BARHL1: variants seen among roughly 807,000 people sequenced by gnomAD.
BARHL1 encodes barH-like 1 homeobox protein.
A neutral mutation model predicts 20.1 loss-of-function variants in BARHL1; 2 were observed. The observed-to-expected ratio is 0.10, with a 90% CI of 0.04 to 0.31. BARHL1 has a LOEUF of 0.31. Among genes scored for constraint, BARHL1 ranks in the 10% least tolerant of loss-of-function variants. The pLI is 1.00. For synonymous variants in BARHL1, 213 were observed against 209.9 expected, an observed-to-expected ratio of 1.01 and a Z score of -0.13; for missense variants, 397 against 454.0, an observed-to-expected ratio of 0.87 and a Z score of 1.14.
Position 132,587,474 on chromosome 9 carries a change from C to A in BARHL1, c.612C>A (p.Ser204Arg). The A allele has an allele frequency of 6.2e-7, 1 of 1,612,458 alleles. No homozygotes were observed. The highest frequency in any genetic ancestry group is 2.2e-5 in the East Asian group (1 of 44,844). The change falls in exon 2 of 3, where the codon AGC (serine) becomes AGA (arginine). Residue 204 changes from serine to arginine, a missense_variant. This residue lies in a region of BARHL1 where 272 missense variants were observed against 298.7 expected (regional missense o/e 0.91). Coordinates refer to ENST00000263610, the MANE Select transcript of BARHL1 (RefSeq NM_020064.4). This position sits in a 1 kb window ranked among gnomAD's most constrained non-coding sequence, Gnocchi z 5.5. Reference protein sequence around the residue: ...ERSFERQKYLSVQDRMELAAS... With the variant: ...ERSFERQKYLRVQDRMELAAS... ...GCTTCGAGCGGCAGAAGTACCTGAG[C>A]GTGCAGGACCGCATGGAGCTCGCCG...
Position 132,587,317 on chromosome 9 carries a change from C to A in BARHL1, c.467-12C>A, listed in dbSNP as rs755454251. 6.3e-7 allele frequency: 1 copy of A among 1,589,862 alleles called. No homozygotes were observed. Among genetic ancestry groups the A allele is most frequent in the Non-Finnish European group, 8.5e-7 (1 of 1,170,628 alleles). On this transcript the variant is annotated splice_polypyrimidine_tract_variant and intron_variant, in intron 1 of 2. Transcript: ENST00000263610. The surrounding 1 kb of genome is among the most constrained non-coding windows in gnomAD (Gnocchi z 5.5). Reference sequence around the variant, plus strand: ...TGCGAGGCCGGGCCCTGACATGCCGCTGTGTCCGCAGTGAAGGAGGAGGGC... The same window carrying A: ...TGCGAGGCCGGGCCCTGACATGCCGATGTGTCCGCAGTGAAGGAGGAGGGC...
rs1485604535 is a variant in BARHL1, at chr9:132,583,078, C to T, written c.281C>T (p.Ser94Phe). The T allele has an allele frequency of 6.2e-7, 1 of 1,613,934 alleles. No individual in the cohort carries two copies. The highest frequency in any genetic ancestry group is 8.5e-7 in the Non-Finnish European group (1 of 1,179,966). ...CCGGCCCAGTCGCGCACCGTCACCT[C>T]CTCCTTTCTGATCAGGGACATCCTT... is the stretch of plus-strand genomic sequence containing the variant. ...SAPAQSRTVT[S>F]SFLIRDILAD... The change falls in exon 1 of 3, where the codon TCC becomes TTC. Residue 94 changes from serine (S) to phenylalanine (F), a missense_variant. Around this residue, in one of 3 missense-constraint regions of BARHL1, gnomAD observed 272 missense variants for 298.7 expected, o/e 0.91. Coordinates refer to ENST00000263610, the MANE Select transcript of BARHL1 (RefSeq NM_020064.4).
rs909962573 is a variant in BARHL1 at position 132,587,641 on chromosome 9, C to T, written c.689+90C>T. On this transcript the variant is annotated intron_variant, in intron 2 of 2. Transcript: ENST00000263610. This position sits in a 1 kb window ranked among gnomAD's most constrained non-coding sequence, Gnocchi z 5.5. Reference sequence around the variant, plus strand: ...GGGACCAGGAGTCTACAGGTTGGTGCTAAGGGAGGGCCCCAGAGCCTCCCC... The same window carrying T: ...GGGACCAGGAGTCTACAGGTTGGTGTTAAGGGAGGGCCCCAGAGCCTCCCC... 8 of 1,287,006 alleles carry T rather than the reference C, an allele frequency of 6.2e-6. No homozygotes were observed. Among genetic ancestry groups the T allele is most frequent in the South Asian group, 1.4e-5 (1 of 70,354 alleles). 79.7% of individuals were successfully genotyped at this position (1,287,006 alleles called of 1,614,324 possible).
In BARHL1 at chr9:132,583,118, A is replaced by G; in HGVS notation, c.321A>G (p.Pro107=). 2 of 1,613,230 alleles carry G rather than the reference A, an allele frequency of 1.2e-6. No individual in the cohort carries two copies. The highest frequency in any genetic ancestry group is 8.5e-7 in the Non-Finnish European group (1 of 1,179,846). ...LIRDILADCK[P]LAACAPYSSS... ...GGGACATCCTTGCCGACTGCAAACCACTCGCGGCCTGTGCACCCTACTCTA... is the reference window on the plus strand; with the variant it reads ...GGGACATCCTTGCCGACTGCAAACCGCTCGCGGCCTGTGCACCCTACTCTA... The change falls in exon 1 of 3, where the codon CCA becomes CCG. Residue 107 remains proline (P), a synonymous_variant. Transcript: ENST00000263610.
At position 132,589,388 on chromosome 9, in the gene BARHL1, A is replaced by C; in HGVS notation, c.850A>C (p.Ser284Arg). 6.2e-7 allele frequency: 1 copy of C among 1,612,500 alleles called. No individual in the cohort carries two copies. Among genetic ancestry groups the C allele is most frequent in the Non-Finnish European group, 8.5e-7 (1 of 1,179,694 alleles). Residue 284 changes from serine (S) to arginine (R), a missense_variant, in exon 3 of 3, where the codon AGC becomes CGC. This residue lies in a region of BARHL1 where 121 missense variants were observed against 135.9 expected (regional missense o/e 0.89). Coordinates refer to ENST00000263610, the MANE Select transcript of BARHL1 (RefSeq NM_020064.4). Reference protein sequence around the residue: ...GAALYLYRGPSAPPPALQRPL... With the variant: ...GAALYLYRGPRAPPPALQRPL... ...GGCGCTCTACCTGTACCGCGGCCCC[A>C]GCGCGCCGCCGCCTGCTCTCCAGAG...
At position 132,589,769 on chromosome 9, in the gene BARHL1, C is replaced by G. The variant is rs1387861469; in HGVS notation, c.*247C>G. On this transcript the variant is annotated 3_prime_UTR_variant, in exon 3 of 3. Transcript: ENST00000263610. The stretch of plus-strand genomic sequence containing the variant: ...CCGCTCTGTCCGGGAGCCATCCCCA[C>G]CCGCCGGGTGTACATACGCGTCTCT... The G allele has an allele frequency of 2.5e-6, 1 of 407,362 alleles. No homozygotes were observed. Among genetic ancestry groups the G allele is most frequent in the Admixed American group, 4.8e-5 (1 of 20,702 alleles). The allele number at this position is 407,362 out of a possible 1,614,324, so 25.2% of individuals were successfully genotyped here.
rs1049357281 is a variant in BARHL1 at position 132,589,575 on chromosome 9, G to A, written c.*53G>A. On this transcript the variant is annotated 3_prime_UTR_variant, in exon 3 of 3. Coordinates refer to ENST00000263610, the MANE Select transcript of BARHL1 (RefSeq NM_020064.4). ...CCGCGGGCTCGGCGTGGCCCCTTCC[G>A]CCCGCCTTTCTGAGGGCGCAGGTTC... 6 of 1,242,544 alleles carry A rather than the reference G, an allele frequency of 4.8e-6. No individual in the cohort carries two copies. The highest frequency in any genetic ancestry group is 3.1e-5 in the African/African-American group (2 of 63,636). 77.0% of individuals were successfully genotyped at this position (1,242,544 alleles called of 1,614,324 possible).
chr9:132,585,159 T>C (rs1830124877), intron 1 of BARHL1, among the ~76,000 whole-genome samples: 1 of 152,194 alleles, frequency 6.6e-6, no homozygotes, highest in African/African-American at 2.4e-5. Flanking sequence ...TGTCTACATA[T>C]CGCTTAAATA....
At chr9:132,588,270 G>A (rs1369292224) in intron 2 of BARHL1, among the ~76,000 whole-genome samples, 4 of 152,108 alleles carry the variant, frequency 2.6e-5, no homozygotes, top group Non-Finnish European at 5.9e-5. Context: ...AATACAACTT[G>A]CAGTCACACA....
At chr9:132,588,872 T>C (rs990969788) in intron 2 of BARHL1, among the ~76,000 whole-genome samples, 1 of 152,098 alleles carries the variant, frequency 6.6e-6, no homozygotes, top group African/African-American at 2.4e-5. Flanking sequence ...GAGCACCCCC[T>C]ACCCAGCTCC....
Position 132,584,674 on chromosome 9 carries a change from G to A in BARHL1, c.466+1411G>A, listed in dbSNP as rs138167482. Among the ~76,000 whole-genome samples, 990 of 152,246 alleles carry A rather than the reference G, an allele frequency of 6.5e-3. 7 individuals are homozygous for A. The highest frequency in any genetic ancestry group is 0.024 in the Middle Eastern group (7 of 294). On this transcript the variant is annotated intron_variant, in intron 1 of 2. Coordinates refer to ENST00000263610, the MANE Select transcript of BARHL1 (RefSeq NM_020064.4). ...CTTGATTTCCCCCACACAAATGGCC[G>A]AGCCTCCTTCAGCCAGGCTGTGCCG... is the stretch of plus-strand genomic sequence containing the variant.
intron 2 of BARHL1, among the ~76,000 whole-genome samples, chr9:132,588,299 C>T (rs1191819087): frequency 6.6e-6 from 1 of 152,162 alleles, no homozygotes; most frequent in Non-Finnish European, 1.5e-5. Context: ...CGCTCAGCCC[C>T]ACAGTCACTC....
Position 132,589,526 on chromosome 9 carries a change from G to A in BARHL1, c.*4G>A, listed in dbSNP as rs1317560337. The A allele has an allele frequency of 9.1e-6, 12 of 1,312,320 alleles. No homozygotes were observed. Among genetic ancestry groups the A allele is most frequent in the Non-Finnish European group, 1.2e-5 (12 of 1,034,830 alleles). 81.3% of individuals were successfully genotyped at this position (1,312,320 alleles called of 1,614,324 possible). A position where few individuals can be genotyped will look rare whatever the true frequency, so the allele number is the denominator to read the frequency against. On this transcript the variant is annotated 3_prime_UTR_variant, in exon 3 of 3. Transcript: ENST00000263610. ...ACGCGCCGCGCAGCCTCGGTGAGGC[G>A]CCCGTCGGCTCCGGGGCCTCCTCCC...
Position 132,589,331 on chromosome 9 carries a change from CAG to C in BARHL1, c.796_797del (p.Leu267GlyfsTer117), listed in dbSNP as rs1830181313. ...GTTCCCGTCGCCTTATTTCTACCCG[CAG>C]AGTCTGGTTTCCAACCTGGACCCCG... ...RMFPSPYFYP[Q>X]SLVSNLDPGA... On this transcript the variant is annotated frameshift_variant, in exon 3 of 3. Coordinates refer to ENST00000263610, the MANE Select transcript of BARHL1 (RefSeq NM_020064.4). LOFTEE classifies it high-confidence loss of function. The C allele has an allele frequency of 6.2e-7, 1 of 1,613,606 alleles. No individual in the cohort carries two copies. Among genetic ancestry groups the C allele is most frequent in the Non-Finnish European group, 8.5e-7 (1 of 1,180,002 alleles).
chr9:132,583,367 T>A, intron 1 of BARHL1, 104 bp downstream of exon 1: 1 of 1,034,166 alleles, frequency 9.7e-7, no homozygotes, highest in Non-Finnish European at 1.4e-6. Flanking sequence ...ACCTGGGGGC[T>A]CCCCCAGGGC....
intron 1 of BARHL1, among the ~76,000 whole-genome samples, chr9:132,584,124 A>AT (rs1830103436): frequency 4.6e-5 from 2 of 43,298 alleles, no homozygotes; most frequent in African/African-American, 1.4e-4. Context: ...GAAAGGGAGA[A>AT]GGAAGGAAGG....
chr9:132,588,596 C>T (rs1205210839), intron 2 of BARHL1, among the ~76,000 whole-genome samples: 1 of 152,076 alleles, frequency 6.6e-6, no homozygotes, highest in Non-Finnish European at 1.5e-5. Context: ...TGGCCAAGGC[C>T]TCTGGACTTT....
At chr9:132,586,145 C>T (rs1273467609) in intron 1 of BARHL1, among the ~76,000 whole-genome samples, 6 of 152,240 alleles carry the variant, frequency 3.9e-5, no homozygotes, top group Non-Finnish European at 8.8e-5. Context: ...TGCAGCGAAG[C>T]GCTGCCTTTT....
intron 1 of BARHL1, among the ~76,000 whole-genome samples, chr9:132,583,950 C>T (rs1219284895): frequency 6.6e-6 from 1 of 152,186 alleles, no homozygotes; most frequent in Non-Finnish European, 1.5e-5. Context: ...GCAACCAACT[C>T]CGGGTTTTAT....
Sources: allele counts gnomAD v4.1 joint callset (sites outside exome capture counted in the v4.1 genomes callset), GRCh38; gene constraint gnomAD v4.1.1; regional missense constraint gnomAD v4.1.1; non-coding constraint Gnocchi (gnomAD v3.1); transcripts MANE v1.5; gene names NCBI Gene and HGNC (gene_info 2026-07-23, HGNC 2026-07-21).